Variants in HADH observed in about 807,000 individuals in gnomAD.
HADH encodes the protein hydroxyacyl-CoA dehydrogenase.
A neutral mutation model predicts 32.2 loss-of-function variants in HADH; 24 were observed. That is an observed-to-expected ratio of 0.75 (90% CI 0.54 to 1.05). HADH has a LOEUF of 1.05. HADH is among the 50% of genes least tolerant of loss of function. The pLI is 0.00. For missense variants in HADH, 350 were observed against 397.1 expected (o/e 0.88, Z 1.01); for synonymous variants, 139 against 152.5 (o/e 0.91, Z 0.65).
intron 1 of HADH, among the ~76,000 whole-genome samples, chr4:107,992,164 T>C (rs1339369270): frequency 6.6e-6 from 1 of 152,136 alleles, no homozygotes; most frequent in African/African-American, 2.4e-5. Flanking sequence ...AACTCTTAAA[T>C]AGGTGGACCA....
intron 1 of HADH, among the ~76,000 whole-genome samples, chr4:108,008,188 C>T (rs148459240): frequency 0.011 from 1,686 of 152,276 alleles, 31 homozygotes; most frequent in African/African-American, 0.039. Flanking sequence ...GCTGCCTGCC[C>T]GCAGCCTGTG....
chr4:107,996,056 T>G (rs1439396336), intron 1 of HADH, among the ~76,000 whole-genome samples: 1 of 152,178 alleles, frequency 6.6e-6, no homozygotes, highest in Non-Finnish European at 1.5e-5. Context: ...TCCAGCCACA[T>G]GTACTCTGAA....
chr4:108,004,353 C>T (rs1735218675), intron 1 of HADH: 1 of 294,970 alleles, frequency 3.4e-6, no homozygotes, highest in Non-Finnish European at 6.6e-6. Flanking sequence ...GGCAGAGGAT[C>T]AAAAGCACAC....
chr4:108,004,591 C>G, intron 1 of HADH: 1 of 1,395,108 alleles, frequency 7.2e-7, no homozygotes, highest in Non-Finnish European at 9.6e-7. Flanking sequence ...ATAATCCAAA[C>G]TTGAAGAACC....
At chr4:108,031,877 T>G in intron 6 of HADH, 1 of 153,874 alleles carries the variant, frequency 6.5e-6, no homozygotes, top group Admixed American at 6.5e-5. Context: ...ACGCTGCCTA[T>G]ATGATTATTT....
chr4:108,022,167 A>ATGTGTGTGTGTGTGTG (rs60633286), intron 4 of HADH, among the ~76,000 whole-genome samples: 12 of 124,960 alleles, frequency 9.6e-5, no homozygotes, highest in Admixed American at 4.7e-4. Context: ...ACATATATAT[A>ATGTGTGTGTGTGTGTG]TGTGTGTGTG....
In HADH at chr4:108,009,883, T is replaced by G. The variant is rs4956145; in HGVS notation, c.257T>G (p.Leu86Arg). ...GCAAAGAAGAAGTTTGCAGAAAACC[T>G]TAAGGTAATTTCTTATTATCGATGT... ...KVAKKKFAEN[L>R]KAGDEFVEKT... The change falls in exon 2 of 8, where the codon CTT (leucine) becomes CGT (arginine). Residue 86 changes from leucine (L) to arginine (R), a missense_variant. Leu to Arg is a moderately radical substitution (Grantham distance 102, BLOSUM62 -2). Coordinates refer to ENST00000309522, the MANE Select transcript of HADH (RefSeq NM_005327.7). The G allele has an allele frequency of 6.2e-7, 1 of 1,607,268 alleles. No individual in the cohort carries two copies. The highest frequency in any genetic ancestry group is 1.3e-5 in the African/African-American group (1 of 74,648).
At chr4:108,032,529 A>G (rs1736307396) in intron 6 of HADH, 2 of 551,832 alleles carry the variant, frequency 3.6e-6, no homozygotes, top group Non-Finnish European at 6.8e-6. Flanking sequence ...TTATTTATAA[A>G]TCAAAAATAT....
At chr4:108,007,255 C>T (rs1000830046) in intron 1 of HADH, among the ~76,000 whole-genome samples, 17 of 152,198 alleles carry the variant, frequency 1.1e-4, no homozygotes, top group African/African-American at 3.4e-4. Context: ...TACAGGCGCC[C>T]GCCACCACGC....
At chr4:108,014,615 T>A in intron 3 of HADH, 27 bp downstream of exon 3, 1 of 1,150,726 alleles carries the variant, frequency 8.7e-7, no homozygotes, top group Admixed American at 2.2e-5. Flanking sequence ...CAATCTTCTT[T>A]TTTTTTTTTT....
intron 3 of HADH, among the ~76,000 whole-genome samples, chr4:108,018,557 A>AGCTCTTTTC (rs1735771448): frequency 6.6e-6 from 1 of 151,948 alleles, no homozygotes; most frequent in African/African-American, 2.4e-5. Context: ...CTCGCCTTTT[A>AGCTCTTTTC]CCTCTTTTCC....
intron 1 of HADH, among the ~76,000 whole-genome samples, chr4:108,003,796 G>A (rs1383230364): frequency 1.4e-5 from 2 of 139,774 alleles, no homozygotes; most frequent in East Asian, 4.3e-4. Context: ...AAAGAAGAAG[G>A]GGGCAGCCCA....
chr4:108,011,683 G>A (rs576569915), intron 2 of HADH, among the ~76,000 whole-genome samples: 15 of 152,172 alleles, frequency 9.9e-5, no homozygotes, highest in African/African-American at 3.1e-4. Flanking sequence ...TTGCTGGGTT[G>A]TATGGTAATC....
intron 4 of HADH, among the ~76,000 whole-genome samples, chr4:108,022,167 ATGTG>A (rs60633286): frequency 8.0e-5 from 10 of 124,968 alleles, no homozygotes; most frequent in African/African-American, 2.9e-4. Flanking sequence ...ACATATATAT[ATGTG>A]TGTGTGTGTG....
intron 1 of HADH, among the ~76,000 whole-genome samples, chr4:107,995,645 T>C (rs527880017): frequency 6.6e-6 from 1 of 152,358 alleles, no homozygotes; most frequent in East Asian, 1.9e-4. Flanking sequence ...TAATTTCATG[T>C]GACCATTACA....
intron 1 of HADH, among the ~76,000 whole-genome samples, chr4:107,991,986 C>T (rs560221375): frequency 1.3e-5 from 2 of 152,272 alleles, no homozygotes; most frequent in African/African-American, 4.8e-5. Flanking sequence ...GTGCTTAGTT[C>T]TTTGAATGCT....
At position 108,033,013 on chromosome 4, in the gene HADH, A is replaced by G. The variant is rs907203611; in HGVS notation, c.710-163A>G. The G allele has an allele frequency of 4.3e-6, 3 of 697,890 alleles. 1 individual carries two copies. Among genetic ancestry groups the G allele is most frequent in the South Asian group, 3.1e-5 (2 of 65,366 alleles). 43.2% of individuals were successfully genotyped at this position (697,890 alleles called of 1,614,324 possible). A position where few individuals can be genotyped will look rare whatever the true frequency, so the allele number is the denominator to read the frequency against. ...AACAAAGTCTTATGACCTCTTTGGC[A>G]TGTACTTTAGAGAGGAAATCTTACC... On this transcript the variant is annotated intron_variant, in intron 6 of 7. Coordinates refer to ENST00000309522, the MANE Select transcript of HADH (RefSeq NM_005327.7).
Position 108,009,808 on chromosome 4 carries a change from A to G in HADH, c.182A>G (p.Asp61Gly), listed in dbSNP as rs200175199. The change falls in exon 2 of 8, where the codon GAC becomes GGC. Residue 61 changes from aspartate to glycine, a missense_variant. Physicochemically the swap from Asp to Gly is moderately conservative, Grantham distance 94 (BLOSUM62 -1). Coordinates refer to ENST00000309522, the MANE Select transcript of HADH (RefSeq NM_005327.7). ...HTVVLVDQTEDILAKSKKGIE... is the reference protein window; with the variant it reads ...HTVVLVDQTEGILAKSKKGIE... ...GTAGTGTTGGTAGACCAGACAGAGG[A>G]CATCCTGGCAAAATCCAAAAAGGGA... is the stretch of plus-strand genomic sequence containing the variant. The G allele has an allele frequency of 6.2e-7, 1 of 1,611,446 alleles. No individual in the cohort carries two copies.
intron 1 of HADH, 48 bp from the exon 2 acceptor site, chr4:108,009,711 G>A: frequency 6.3e-7 from 1 of 1,596,386 alleles, no homozygotes; most frequent in Non-Finnish European, 8.6e-7. Context: ...GCGCGTGCGT[G>A]TTATGTTTTC....
Sources: allele counts gnomAD v4.1 joint callset (sites outside exome capture counted in the v4.1 genomes callset), GRCh38; gene constraint gnomAD v4.1.1; transcripts MANE v1.5; gene names NCBI Gene and HGNC (gene_info 2026-07-23, HGNC 2026-07-21).